The following PALM variants were observed in gnomAD, a reference collection of about 807,000 sequenced individuals.
The protein encoded by PALM is paralemmin, also known as paralemmin-1.
In PALM, 18 loss-of-function variants were observed where a neutral mutation model predicts 30.7. That is an observed-to-expected ratio of 0.59 (90% CI 0.41 to 0.87). The LOEUF is 0.87. Ranked by LOEUF, PALM falls within the 40% of genes least tolerant of loss-of-function variation. The pLI is 0.00. For synonymous variants in PALM, 286 were observed against 242.8 expected (o/e 1.18, Z -1.66); for missense variants, 529 against 555.4 (o/e 0.95, Z 0.48).
chr19:724,533 C>G (rs1568223903), intron 1 of PALM, among the ~76,000 whole-genome samples: 1 of 152,098 alleles, frequency 6.6e-6, no homozygotes, highest in African/African-American at 2.4e-5. Context: ...GTTGGGCAGG[C>G]TGGTCTAGAA....
intron 1 of PALM, among the ~76,000 whole-genome samples, chr19:724,480 T>C (rs929253016): frequency 3.3e-5 from 5 of 151,906 alleles, no homozygotes; most frequent in Admixed American, 6.6e-5. Context: ...CCACCACGCC[T>C]GGCTAATTTT....
intron 7 of PALM, among the ~76,000 whole-genome samples, chr19:737,716 CG>C (rs1231508151): frequency 6.6e-6 from 1 of 152,134 alleles, no homozygotes; most frequent in Non-Finnish European, 1.5e-5. Flanking sequence ...GCAAAGGCCC[CG>C]GGGCAGGACT....
At chr19:734,483 C>T (rs528551535) in intron 6 of PALM, 262 of 440,312 alleles carry the variant, frequency 6.0e-4, no homozygotes, top group African/African-American at 4.8e-3. Flanking sequence ...GAGGATCGAT[C>T]GCTTGAGCCC....
At chr19:724,109 G>T (rs2032584223) in intron 1 of PALM, among the ~76,000 whole-genome samples, 1 of 140,048 alleles carries the variant, frequency 7.1e-6, no homozygotes. Flanking sequence ...TTCTGGAGCT[G>T]CAGGGCGAGG....
At chr19:721,656 G>A (rs1018794453) in intron 1 of PALM, among the ~76,000 whole-genome samples, 1 of 151,596 alleles carries the variant, frequency 6.6e-6, no homozygotes, top group African/African-American at 2.4e-5. Context: ...GGAGTGCAAT[G>A]GTATGATCTC....
chr19:720,139 C>A (rs1250112866), intron 1 of PALM, among the ~76,000 whole-genome samples: 2 of 151,708 alleles, frequency 1.3e-5, no homozygotes, highest in African/African-American at 2.4e-5. Flanking sequence ...CCGCCCCAGG[C>A]CCGAAGCCTC....
At chr19:724,896 T>C (rs1358140833) in intron 1 of PALM, among the ~76,000 whole-genome samples, 2 of 151,862 alleles carry the variant, frequency 1.3e-5, no homozygotes, top group African/African-American at 4.8e-5. Flanking sequence ...AGTGCTAAAA[T>C]TACAGGCGTG....
At chr19:712,045 C>CA (rs140587062) in intron 1 of PALM, among the ~76,000 whole-genome samples, 22,093 of 150,826 alleles carry the variant, frequency 0.15, 2,171 homozygotes, top group Non-Finnish European at 0.22. Context: ...CTTTTGGAGA[C>CA]AGAGTATCTC....
intron 4 of PALM, 42 bp from the exon 5 acceptor site, chr19:731,053 G>A (rs985617438): frequency 1.1e-5 from 16 of 1,394,830 alleles, no homozygotes; most frequent in Admixed American, 2.5e-5. Context: ...GAGCCCCACC[G>A]GGGATGCAGG....
intron 5 of PALM, among the ~76,000 whole-genome samples, chr19:733,917 C>T (rs1406186334): frequency 6.6e-6 from 1 of 152,000 alleles, no homozygotes; most frequent in African/African-American, 2.4e-5. Context: ...ACCCAGGAGG[C>T]GGAAGTTGCA....
At chr19:726,317 G>T in intron 2 of PALM, 128 bp downstream of exon 2, 1 of 730,270 alleles carries the variant, frequency 1.4e-6, no homozygotes. Context: ...ATTTGCTTGG[G>T]AAACTTGGAT....
chr19:715,909 C>T (rs1599135751), intron 1 of PALM, among the ~76,000 whole-genome samples: 2 of 152,166 alleles, frequency 1.3e-5, no homozygotes, highest in Non-Finnish European at 2.9e-5. Context: ...GTAGCCTGGT[C>T]CCTGGATACA....
intron 1 of PALM, among the ~76,000 whole-genome samples, chr19:713,670 C>T (rs1279012929): frequency 6.6e-6 from 1 of 151,906 alleles, no homozygotes; most frequent in Non-Finnish European, 1.5e-5. Flanking sequence ...CCTCTGCCTC[C>T]TGGGTTCACG....
chr19:738,807 G>A (rs1487283248), intron 7 of PALM, among the ~76,000 whole-genome samples: 2 of 152,344 alleles, frequency 1.3e-5, no homozygotes, highest in East Asian at 3.9e-4. Flanking sequence ...TGGCTATGGG[G>A]GCCGAGGGGC....
rs1411110537 is a variant in PALM, at chr19:709,620, G to C, written c.5+469G>C. Among the ~76,000 whole-genome samples the C allele has an allele frequency of 6.6e-6, 1 of 151,768 alleles. No individual in the cohort carries two copies. The highest frequency in any genetic ancestry group is 1.5e-5 in the Non-Finnish European group (1 of 67,856). On this transcript the variant is annotated intron_variant, in intron 1 of 8. Coordinates refer to ENST00000338448, the MANE Select transcript of PALM (RefSeq NM_002579.3). The surrounding 1 kb of genome is among the most constrained non-coding windows in gnomAD (Gnocchi z 4.3). ...CTCCTGGCGCCCTGGACGCGCGCGC[G>C]GGCCGGTGCCCCCCACCCCCGCCCT...
intron 6 of PALM, chr19:734,507 C>T (rs2032965549): frequency 2.6e-6 from 1 of 386,570 alleles, no homozygotes; most frequent in African/African-American, 2.1e-5. Context: ...AGTTCAAGAG[C>T]ATGCTGGGCA....
intron 8 of PALM, among the ~76,000 whole-genome samples, chr19:743,326 C>T (rs1210619612): frequency 6.6e-6 from 1 of 151,994 alleles, no homozygotes; most frequent in African/African-American, 2.4e-5. Flanking sequence ...TCCTCAGCCT[C>T]ACCTGGTCCC....
intron 1 of PALM, among the ~76,000 whole-genome samples, chr19:718,270 G>A (rs752053484): frequency 2.0e-5 from 3 of 152,226 alleles, no homozygotes; most frequent in Non-Finnish European, 2.9e-5. Flanking sequence ...GACAGAAGAG[G>A]CCTAAATGAG....
chr19:718,553 C>T (rs1440187342), intron 1 of PALM, among the ~76,000 whole-genome samples: 2 of 152,104 alleles, frequency 1.3e-5, no homozygotes, highest in African/African-American at 4.8e-5. Flanking sequence ...CCTTCCCACC[C>T]CAGGTTAATA....
Sources: allele counts gnomAD v4.1 joint callset (sites outside exome capture counted in the v4.1 genomes callset), GRCh38; gene constraint gnomAD v4.1.1; non-coding constraint Gnocchi (gnomAD v3.1); transcripts MANE v1.5; gene names NCBI Gene and HGNC (gene_info 2026-07-23, HGNC 2026-07-21).